CADPS2: variants seen among roughly 807,000 people sequenced by gnomAD.
The protein encoded by CADPS2 is calcium-dependent secretion activator 2.
In CADPS2, 93 loss-of-function variants were observed where a neutral mutation model predicts 172.5. That is an observed-to-expected ratio of 0.54 (90% confidence interval 0.46 to 0.64). The LOEUF (loss-of-function observed/expected upper bound fraction) is 0.64. CADPS2 is among the 30% of genes least tolerant of loss of function. The pLI is 0.00. For missense variants in CADPS2, 1,420 were observed against 1,565.9 expected (o/e 0.91, Z 1.57); for synonymous variants, 546 against 555.2 (o/e 0.98, Z 0.23).
chr7:122,852,625 A>G (rs944155693), intron 1 of CADPS2, among the ~76,000 whole-genome samples: 5 of 152,184 alleles, frequency 3.3e-5, no homozygotes, highest in African/African-American at 1.2e-4. Flanking sequence ...GAGAACAGTA[A>G]GAATGAAGGC....
At chr7:122,757,602 C>G (rs2093218370) in intron 1 of CADPS2, among the ~76,000 whole-genome samples, 1 of 151,964 alleles carries the variant, frequency 6.6e-6, no homozygotes, top group African/African-American at 2.4e-5. Flanking sequence ...CCCTGACACC[C>G]ATGTCCTAAA....
At chr7:122,451,781 C>G (rs960311531) in intron 14 of CADPS2, among the ~76,000 whole-genome samples, 6 of 152,014 alleles carry the variant, frequency 3.9e-5, no homozygotes, top group Non-Finnish European at 7.4e-5. Context: ...TATAGTAGTA[C>G]CAAACATTTG....
At chr7:122,821,870 C>T (rs892193662) in intron 1 of CADPS2, among the ~76,000 whole-genome samples, 27 of 152,038 alleles carry the variant, frequency 1.8e-4, no homozygotes, top group Non-Finnish European at 2.9e-4. Flanking sequence ...GGCCTGTCCT[C>T]GGAATGCTAC....
intron 2 of CADPS2, among the ~76,000 whole-genome samples, chr7:122,690,379 G>A (rs1414999069): frequency 2.6e-5 from 4 of 152,136 alleles, no homozygotes; most frequent in Admixed American, 1.3e-4. Context: ...ATATGTTCCC[G>A]GAGGAGGGTT....
At chr7:122,820,407 A>C (rs1005212539) in intron 1 of CADPS2, among the ~76,000 whole-genome samples, 1 of 151,858 alleles carries the variant, frequency 6.6e-6, no homozygotes, top group African/African-American at 2.4e-5. Flanking sequence ...CATCCGACTG[A>C]TCTCTCAAAC....
chr7:122,838,061 C>T (rs1175253856), intron 1 of CADPS2, among the ~76,000 whole-genome samples: 1 of 152,194 alleles, frequency 6.6e-6, no homozygotes, highest in Non-Finnish European at 1.5e-5. Flanking sequence ...TCCAGCAGCA[C>T]ATCAAAAAGC....
At position 122,540,329 on chromosome 7, in the gene CADPS2, A is replaced by G. The variant is rs117673523; in HGVS notation, c.1475+14221T>C. On this transcript the variant is annotated intron_variant, in intron 8 of 29. Transcript: ENST00000449022. ...AGTATTATAGTAATTTAAAAGGAAT[A>G]CTAAGTTTTAAAATACTGTGAATTC... Among the ~76,000 whole-genome samples, 3 of 152,262 alleles carry G rather than the reference A, an allele frequency of 2.0e-5. No individual in the cohort carries two copies. The East Asian group carries it at 5.8e-4, about 29-fold the overall frequency.
intron 1 of CADPS2, among the ~76,000 whole-genome samples, chr7:122,780,086 G>A (rs1485946047): frequency 6.6e-6 from 1 of 152,068 alleles, no homozygotes; most frequent in Non-Finnish European, 1.5e-5. Flanking sequence ...GAGGTATGTA[G>A]TCTCAACTTA....
chr7:122,683,056 G>C (rs141451468), intron 2 of CADPS2, among the ~76,000 whole-genome samples: 37 of 152,318 alleles, frequency 2.4e-4, no homozygotes, highest in African/African-American at 7.9e-4. Flanking sequence ...TTCTTGTCTG[G>C]CGTCCAGGAA....
chr7:122,677,313 G>A (rs2135714052), intron 2 of CADPS2, among the ~76,000 whole-genome samples: 1 of 152,304 alleles, frequency 6.6e-6, no homozygotes, highest in African/African-American at 2.4e-5. Flanking sequence ...CAAAGAATTT[G>A]CAAATCAAAA....
intron 8 of CADPS2, among the ~76,000 whole-genome samples, chr7:122,539,987 C>T (rs1008893768): frequency 6.6e-6 from 1 of 151,956 alleles, no homozygotes; most frequent in African/African-American, 2.4e-5. Context: ...TTTCAAGTCA[C>T]ATTTTATATT....
At chr7:122,602,509 A>G (rs2072934678) in intron 6 of CADPS2, among the ~76,000 whole-genome samples, 1 of 152,126 alleles carries the variant, frequency 6.6e-6, no homozygotes, top group African/African-American at 2.4e-5. Flanking sequence ...TGAAAAAGAG[A>G]GGGTTCTGAG....
Position 122,659,156 on chromosome 7 carries a change from C to T in CADPS2, c.786+4081G>A, listed in dbSNP as rs529797913. ...CAAGCATCTGAACTAGATTCAGATA[C>T]GAGACAGATGTTAGAATTATCAAAC... On this transcript the variant is annotated intron_variant, in intron 3 of 29. Coordinates refer to ENST00000449022, the MANE Select transcript of CADPS2 (RefSeq NM_017954.11). 4.0e-5 allele frequency among the ~76,000 whole-genome samples: 6 copies of T among 151,668 alleles called. No homozygotes were observed. The South Asian group carries it at 8.3e-4, about 21-fold the overall frequency.
intron 14 of CADPS2, among the ~76,000 whole-genome samples, chr7:122,456,033 A>G (rs1465730612): frequency 1.3e-5 from 2 of 152,176 alleles, no homozygotes; most frequent in Non-Finnish European, 2.9e-5. Flanking sequence ...ATAGTTGGTA[A>G]AACAGAAAAT....
intron 1 of CADPS2, among the ~76,000 whole-genome samples, chr7:122,755,757 T>C (rs745564696): frequency 1.5e-4 from 23 of 151,636 alleles, no homozygotes; most frequent in Non-Finnish European, 3.4e-4. Context: ...ACTGATAAGA[T>C]ATTTCATAAA....
At chr7:122,462,503 T>G (rs2054578715) in intron 14 of CADPS2, among the ~76,000 whole-genome samples, 1 of 152,208 alleles carries the variant, frequency 6.6e-6, no homozygotes. Context: ...TAACATGTGA[T>G]TTACTTTTAT....
At chr7:122,513,941 C>T (rs181274520) in intron 8 of CADPS2, among the ~76,000 whole-genome samples, 107 of 152,258 alleles carry the variant, frequency 7.0e-4, no homozygotes, top group Non-Finnish European at 7.6e-4. Context: ...AACGAAGATG[C>T]CATTGGGTAG....
chr7:122,560,950 G>C (rs2065675574), intron 7 of CADPS2, among the ~76,000 whole-genome samples: 1 of 152,068 alleles, frequency 6.6e-6, no homozygotes, highest in South Asian at 2.1e-4. Context: ...AACCCTTATA[G>C]TATGTGAAGA....
At chr7:122,476,379 T>G (rs1247599582) in intron 12 of CADPS2, among the ~76,000 whole-genome samples, 1 of 152,064 alleles carries the variant, frequency 6.6e-6, no homozygotes, top group Admixed American at 6.5e-5. Context: ...AAAAAAATCT[T>G]TCTTTTACTA....
Sources: allele counts gnomAD v4.1 joint callset (sites outside exome capture counted in the v4.1 genomes callset), GRCh38; gene constraint gnomAD v4.1.1; transcripts MANE v1.5; gene names NCBI Gene and HGNC (gene_info 2026-07-23, HGNC 2026-07-21).